Variants in SEC23B observed in about 807,000 individuals in gnomAD.
SEC23B encodes SEC23 homolog B, COPII component.
SEC23B carries 77 observed loss-of-function variants against 104.3 expected under a neutral mutation model. The ratio of observed to expected loss-of-function variants is 0.74; its 90% CI spans 0.61 to 0.89. SEC23B has a LOEUF of 0.89. Ranked by LOEUF, SEC23B falls within the 40% of genes least tolerant of loss-of-function variation. The probability of loss-of-function intolerance (pLI) is 0.00; values close to 1 mark genes in which losing one functional copy is unlikely to be tolerated. For missense variants in SEC23B, 885 were observed against 949.4 expected (o/e 0.93, Z 0.89); for synonymous variants, 338 against 332.5 (o/e 1.02, Z -0.18).
intron 14 of SEC23B, among the ~76,000 whole-genome samples, chr20:18,545,434 G>A (rs574169194): frequency 6.6e-6 from 1 of 152,218 alleles, no homozygotes; most frequent in Non-Finnish European, 1.5e-5. Context: ...GATTTTGTGG[G>A]AAGAAAGTAA....
At chr20:18,536,436 T>C (rs1160873582) in intron 12 of SEC23B, among the ~76,000 whole-genome samples, 1 of 152,208 alleles carries the variant, frequency 6.6e-6, no homozygotes, top group Non-Finnish European at 1.5e-5. Context: ...CTCACGCCTG[T>C]AATCCCAGCA....
At chr20:18,529,299 A>G (rs150229846) in intron 9 of SEC23B, among the ~76,000 whole-genome samples, 2 of 152,360 alleles carry the variant, frequency 1.3e-5, no homozygotes, top group African/African-American at 4.8e-5. Flanking sequence ...ATTTCACTCA[A>G]TATCAAGAAG....
At chr20:18,530,029 A>C (rs1317530797) in intron 9 of SEC23B, among the ~76,000 whole-genome samples, 5 of 152,188 alleles carry the variant, frequency 3.3e-5, no homozygotes, top group East Asian at 1.9e-4. Flanking sequence ...TGGAAAACAT[A>C]ATTCTTGTAA....
At chr20:18,520,818 G>A (rs2060076778) in intron 4 of SEC23B, among the ~76,000 whole-genome samples, 1 of 152,022 alleles carries the variant, frequency 6.6e-6, no homozygotes, top group Admixed American at 6.6e-5. Flanking sequence ...CGGCGTCCGT[G>A]ATGGTCTAGG....
chr20:18,512,620 T>C (rs2059991454), intron 3 of SEC23B, among the ~76,000 whole-genome samples: 1 of 152,218 alleles, frequency 6.6e-6, no homozygotes, highest in African/African-American at 2.4e-5. Context: ...TTGGATAGTG[T>C]ATATTACTGA....
chr20:18,550,395 G>C (rs767007860), intron 16 of SEC23B, among the ~76,000 whole-genome samples: 5 of 152,028 alleles, frequency 3.3e-5, no homozygotes, highest in Non-Finnish European at 5.9e-5. Flanking sequence ...GGGTTCAAGT[G>C]ATCTGCCTGC....
rs375390042 is a variant in SEC23B at position 18,554,219 on chromosome 20, G to A, written c.1993-16G>A. The A allele has an allele frequency of 7.9e-5, 128 of 1,614,016 alleles. 1 individual carries two copies. The Admixed American group carries it at 1.1e-3, about 14-fold the overall frequency. On this transcript the variant is annotated splice_polypyrimidine_tract_variant and intron_variant, in intron 17 of 19. Coordinates refer to ENST00000650089, the MANE Select transcript of SEC23B (RefSeq NM_006363.6). ...ACAGTTTCCACAATAGTTTTGGTTG[G>A]TTTGTTTCTGTGTAGACCATAGCCC...
At chr20:18,526,619 A>G (rs2060136666) in intron 8 of SEC23B, 88 bp downstream of exon 8, 2 of 1,383,934 alleles carry the variant, frequency 1.4e-6, no homozygotes, top group African/African-American at 1.4e-5. Context: ...TGCCAAGGTC[A>G]TGTGTCATGG....
Position 18,543,168 on chromosome 20 carries a change from G to A in SEC23B, c.1661G>A (p.Arg554Gln), listed in dbSNP as rs565694146. Residue 554 changes from arginine to glutamine, a missense_variant, in exon 14 of 20, where the codon CGA (arginine) becomes CAA (glutamine). Arg to Gln is a conservative substitution (Grantham distance 43). Coordinates refer to ENST00000650089, the MANE Select transcript of SEC23B (RefSeq NM_006363.6). ...VLRWLDRQLI[R>Q]LCQKFGQYNK... The stretch of plus-strand genomic sequence containing the variant: ...CGGTGGCTGGACCGACAACTCATCC[G>A]ACTGGTAAATTGGGGACAGTGGCAT... 76 of 1,614,188 alleles carry A rather than the reference G, an allele frequency of 4.7e-5. 3 individuals carry two copies. Among genetic ancestry groups the A allele is most frequent in the South Asian group, 4.6e-4 (42 of 91,078 alleles).
intron 12 of SEC23B, among the ~76,000 whole-genome samples, chr20:18,542,047 G>A (rs2060292062): frequency 6.6e-6 from 1 of 152,194 alleles, no homozygotes; most frequent in African/African-American, 2.4e-5. Flanking sequence ...AGTCATCCAT[G>A]TATTTCATGC....
chr20:18,532,585 A>G (rs2148905697), intron 10 of SEC23B, 79 bp from the exon 11 acceptor site: 1 of 1,010,880 alleles, frequency 9.9e-7, no homozygotes, highest in Non-Finnish European at 1.6e-6. Flanking sequence ...TTTTCCCTCT[A>G]AGCTTTCATT....
At chr20:18,538,466 GATGGT>G (rs2060257517) in intron 12 of SEC23B, among the ~76,000 whole-genome samples, 1 of 151,852 alleles carries the variant, frequency 6.6e-6, no homozygotes, top group East Asian at 1.9e-4. Flanking sequence ...TGTTAGCCAG[GATGGT>G]CTCGATCTCC....
chr20:18,524,323 A>C, intron 4 of SEC23B, 110 bp from the exon 5 acceptor site: 1 of 826,676 alleles, frequency 1.2e-6, no homozygotes, highest in Non-Finnish European at 2.1e-6. Context: ...CTTATCTCCT[A>C]AAACTAAATA....
chr20:18,549,097 CAA>C (rs879910579), intron 16 of SEC23B, among the ~76,000 whole-genome samples: 1 of 141,890 alleles, frequency 7.0e-6, no homozygotes, highest in Non-Finnish European at 1.5e-5. Flanking sequence ...GACTTTGTGC[CAA>C]AAAAAAAAAT....
intron 3 of SEC23B, among the ~76,000 whole-genome samples, chr20:18,513,008 A>G (rs897217828): frequency 3.3e-5 from 5 of 152,122 alleles, no homozygotes; most frequent in Non-Finnish European, 7.4e-5. Flanking sequence ...ACATGGTGAA[A>G]TCCCCTCTCT....
chr20:18,525,247 TAAAACTGGA>T (rs1373487033), intron 6 of SEC23B, among the ~76,000 whole-genome samples: 1 of 152,202 alleles, frequency 6.6e-6, no homozygotes, highest in Non-Finnish European at 1.5e-5. Context: ...GATGCTTAAG[TAAAACTGGA>T]AAAACTGAAA....
At chr20:18,548,139 C>T (rs6112021) in intron 15 of SEC23B, among the ~76,000 whole-genome samples, 101,486 of 151,400 alleles carry the variant, frequency 0.67, 35,724 homozygotes, top group Non-Finnish European at 0.8. Flanking sequence ...TTAGTAGAGA[C>T]GGGGTTTCTC....
chr20:18,545,833 G>T, intron 14 of SEC23B, 123 bp from the exon 15 acceptor site: 1 of 734,324 alleles, frequency 1.4e-6, no homozygotes, highest in Non-Finnish European at 2.5e-6. Context: ...AGGACTTATA[G>T]TAAGTGGCAG....
At chr20:18,543,611 A>G (rs1217454222) in intron 14 of SEC23B, among the ~76,000 whole-genome samples, 2 of 152,228 alleles carry the variant, frequency 1.3e-5, no homozygotes, top group Admixed American at 6.5e-5. Context: ...AAAGAATACA[A>G]CAAGAGAGTA....
Sources: allele counts gnomAD v4.1 joint callset (sites outside exome capture counted in the v4.1 genomes callset), GRCh38; gene constraint gnomAD v4.1.1; transcripts MANE v1.5; gene names NCBI Gene and HGNC (gene_info 2026-07-23, HGNC 2026-07-21).